GPRIN1: variants seen among roughly 807,000 people sequenced by gnomAD.
The protein encoded by GPRIN1 is G protein regulated inducer of neurite outgrowth 1.
In GPRIN1, 4 loss-of-function variants were observed where a neutral mutation model predicts 2.8. The ratio of observed to expected loss-of-function variants is 1.45; its 90% CI spans 0.71 to 3.32. GPRIN1 has a LOEUF of 3.32. Among genes scored for constraint, GPRIN1 ranks in the 30% most tolerant of loss-of-function variants. The pLI is 0.01. For missense variants in GPRIN1, 1,322 were observed against 1,343.4 expected (o/e 0.98, Z 0.25); for synonymous variants, 589 against 589.9 (o/e 1.00, Z 0.02).
chr5:176,599,553 G>T lies in GPRIN1; in HGVS notation c.282C>A (p.Pro94=), dbSNP rs1333798256. The T allele has an allele frequency of 6.3e-7, 1 of 1,588,086 alleles. No individual in the cohort carries two copies. The highest frequency in any genetic ancestry group is 2.2e-5 in the East Asian group (1 of 44,580). Reference sequence around the variant, plus strand: ...CCTGGGGAGAGAAGCAGGTTGGGGAGGGGCAGGCCAGGCTCCCTCTGGGGC... The same window carrying T: ...CCTGGGGAGAGAAGCAGGTTGGGGATGGGCAGGCCAGGCTCCCTCTGGGGC... The part of the protein sequence containing the change: ...SDGPRGSLAC[P]SPTCFSPQES... Residue 94 remains proline (P), a synonymous_variant, in exon 2 of 2, where the codon CCC becomes CCA. Coordinates refer to ENST00000303991, the MANE Select transcript of GPRIN1 (RefSeq NM_052899.3).
chr5:176,607,395 G>A (rs1406384514), intron 1 of GPRIN1, among the ~76,000 whole-genome samples: 2 of 152,212 alleles, frequency 1.3e-5, no homozygotes, highest in Non-Finnish European at 2.9e-5. Flanking sequence ...CTAGGCCGGA[G>A]TGCAGTGGCA....
rs1759101379 is a variant in GPRIN1 at position 176,598,986 on chromosome 5, A to G, written c.849T>C (p.Leu283=). The change falls in exon 2 of 2, where the codon CTT becomes CTC. Residue 283 remains leucine (L), a synonymous_variant. Coordinates refer to ENST00000303991, the MANE Select transcript of GPRIN1 (RefSeq NM_052899.3). ...VAPTSAEKVD[L]VLSGKRDPGP... is the part of the protein sequence containing the mutation. ...CAGGATCTCTCTTTCCCGACAATAC[A>G]AGATCTACCTTTTCTGCAGATGTAG... 1.2e-6 allele frequency: 2 copies of G among 1,614,000 alleles called. No homozygotes were observed. The highest frequency in any genetic ancestry group is 8.5e-7 in the Non-Finnish European group (1 of 1,179,990).
Position 176,598,900 on chromosome 5 carries a change from T to C in GPRIN1, c.935A>G (p.Lys312Arg), listed in dbSNP as rs781472441. 1.2e-6 allele frequency: 2 copies of C among 1,614,118 alleles called. No homozygotes were observed. The highest frequency in any genetic ancestry group is 1.7e-6 in the Non-Finnish European group (2 of 1,179,968). The change falls in exon 2 of 2, where the codon AAG becomes AGG. Residue 312 changes from lysine (K) to arginine (R), a missense_variant. By Grantham distance (26) the Lys-to-Arg change is conservative. Around this residue, in one of 3 missense-constraint regions of GPRIN1, gnomAD observed 1,117 missense variants for 1,128.6 expected, o/e 0.99. Coordinates refer to ENST00000303991, the MANE Select transcript of GPRIN1 (RefSeq NM_052899.3). ...CTTGCCCAGGAGCCCCGGCTCTGTC[T>C]TTCCTGTGGACGCAGAATCCATGCT... Reference protein sequence around the residue: ...LESMDSASTGKTEPGLLGKLI... With the variant: ...LESMDSASTGRTEPGLLGKLI...
chr5:176,600,181 C>T (rs1205497666), intron 1 of GPRIN1, among the ~76,000 whole-genome samples: 4 of 152,164 alleles, frequency 2.6e-5, no homozygotes, highest in Non-Finnish European at 5.9e-5. Flanking sequence ...AGTGCAATGG[C>T]GCGATCTCAG....
At chr5:176,606,034 G>T (rs1057376453) in intron 1 of GPRIN1, among the ~76,000 whole-genome samples, 1 of 152,082 alleles carries the variant, frequency 6.6e-6, no homozygotes, top group African/African-American at 2.4e-5. Flanking sequence ...CAGCCCTGGG[G>T]TCCTCACACA....
rs778742067 is a variant in GPRIN1 at position 176,596,898 on chromosome 5, G to C, written c.2937C>G (p.Ala979=). 5 of 1,253,876 alleles carry C rather than the reference G, an allele frequency of 4.0e-6. No homozygotes were observed. In the South Asian group the frequency reaches 1.3e-4, roughly 33 times the overall value. The allele number at this position is 1,253,876 out of a possible 1,614,324, so 77.7% of individuals were successfully genotyped here. The stretch of plus-strand genomic sequence containing the variant: ...GGAACAGGCCGGGCGGACGCTTGGC[G>C]GCGCCATCTGGGGGCGCGGTGCGCA... The part of the protein sequence containing the change: ...GSVRTAPPDG[A]AKRPPGLFRA... The change falls in exon 2 of 2, where the codon GCC becomes GCG. Residue 979 remains alanine (A), a synonymous_variant. Transcript: ENST00000303991. This position sits in a 1 kb window ranked among gnomAD's most constrained non-coding sequence, Gnocchi z 5.2.
rs1002993014 is a variant in GPRIN1 at position 176,599,472 on chromosome 5, T to G, written c.363A>C (p.Pro121=). 6 of 1,613,784 alleles carry G rather than the reference T, an allele frequency of 3.7e-6. No homozygotes were observed. The highest frequency in any genetic ancestry group is 5.1e-6 in the Non-Finnish European group (6 of 1,179,856). The change falls in exon 2 of 2, where the codon CCA becomes CCC. Residue 121 remains proline, a synonymous_variant. Coordinates refer to ENST00000303991, the MANE Select transcript of GPRIN1 (RefSeq NM_052899.3). ...CTGGCTTCCCAGACGTGGTGGCTTCTGGTGTCCCTGAGATGGAGGCTCCAT... is the reference window on the plus strand; with the variant it reads ...CTGGCTTCCCAGACGTGGTGGCTTCGGGTGTCCCTGAGATGGAGGCTCCAT... ...EAHGASISGT[P]EATTSGKPEP...
At chr5:176,599,899 C>A in intron 1 of GPRIN1, 22 bp from the exon 2 acceptor site, 1 of 1,324,748 alleles carries the variant, frequency 7.5e-7, no homozygotes, top group Non-Finnish European at 9.7e-7. Context: ...AGAGAGCTGA[C>A]TCAGACTTCC....
At chr5:176,604,319 A>G (rs1469366073) in intron 1 of GPRIN1, among the ~76,000 whole-genome samples, 1 of 152,184 alleles carries the variant, frequency 6.6e-6, no homozygotes, top group Non-Finnish European at 1.5e-5. Context: ...GCGGAAGAGG[A>G]GGCAGCAAAT....
chr5:176,597,197 C>A lies in GPRIN1; in HGVS notation c.2638G>T (p.Ala880Ser). 7.6e-7 allele frequency: 1 copy of A among 1,317,476 alleles called. No individual in the cohort carries two copies. The highest frequency in any genetic ancestry group is 2.2e-5 in the South Asian group (1 of 45,546). 81.6% of individuals were successfully genotyped at this position (1,317,476 alleles called of 1,614,324 possible). A position where few individuals can be genotyped will look rare whatever the true frequency, so the allele number is the denominator to read the frequency against. Reference protein sequence around the residue: ...SVATGPMTPQAAAPPAFPEVR... With the variant: ...SVATGPMTPQSAAPPAFPEVR... The stretch of plus-strand genomic sequence containing the variant: ...TCGGGGAAGGCGGGCGGCGCGGCGG[C>A]TTGAGGTGTCATGGGCCCAGTGGCC... The change falls in exon 2 of 2, where the codon GCC becomes TCC. Residue 880 changes from alanine (A) to serine (S), a missense_variant. This residue lies in a region of GPRIN1 where 1,117 missense variants were observed against 1,128.6 expected (regional missense o/e 0.99). Coordinates refer to ENST00000303991, the MANE Select transcript of GPRIN1 (RefSeq NM_052899.3). This position sits in a 1 kb window ranked among gnomAD's most constrained non-coding sequence, Gnocchi z 6.1.
intron 1 of GPRIN1, among the ~76,000 whole-genome samples, chr5:176,603,497 G>A (rs1052186943): frequency 2.6e-5 from 4 of 152,172 alleles, no homozygotes; most frequent in Non-Finnish European, 5.9e-5. Context: ...CCAGACCTCA[G>A]GTCTCTGGAT....
chr5:176,604,211 C>T (rs980508101), intron 1 of GPRIN1, among the ~76,000 whole-genome samples: 2 of 152,160 alleles, frequency 1.3e-5, no homozygotes, highest in Non-Finnish European at 2.9e-5. Flanking sequence ...AAGGAGTGGG[C>T]AGCTGGTTTA....
intron 1 of GPRIN1, among the ~76,000 whole-genome samples, chr5:176,608,651 T>A (rs1002498491): frequency 1.3e-5 from 2 of 152,198 alleles, no homozygotes; most frequent in Non-Finnish European, 2.9e-5. Context: ...CCTGTGGGTA[T>A]CTCACTCCTA....
In GPRIN1 at chr5:176,595,913, C is replaced by G; in HGVS notation, c.*895G>C. The G allele has an allele frequency of 2.5e-6, 1 of 398,078 alleles. No homozygotes were observed. Among genetic ancestry groups the G allele is most frequent in the East Asian group, 3.9e-5 (1 of 25,742 alleles). The allele number at this position is 398,078 out of a possible 1,614,324, so 24.7% of individuals were successfully genotyped here. A position where few individuals can be genotyped will look rare whatever the true frequency, so the allele number is the denominator to read the frequency against. ...GGTCACAAGGGACTTGGGCTCACAG[C>G]ACAGGGGGGACAAGGGGCTGGAGAG... On this transcript the variant is annotated 3_prime_UTR_variant, in exon 2 of 2. Coordinates refer to ENST00000303991, the MANE Select transcript of GPRIN1 (RefSeq NM_052899.3).
intron 1 of GPRIN1, among the ~76,000 whole-genome samples, chr5:176,608,897 G>A (rs574360932): frequency 1.4e-4 from 21 of 152,340 alleles, no homozygotes; most frequent in Admixed American, 1.1e-3. Flanking sequence ...ACTTCGTCAG[G>A]CATCTGAGTG....
chr5:176,605,531 G>A (rs1005911637), intron 1 of GPRIN1, among the ~76,000 whole-genome samples: 1 of 152,126 alleles, frequency 6.6e-6, no homozygotes, highest in Non-Finnish European at 1.5e-5. Flanking sequence ...GCCCTGGGGC[G>A]GAGTTCCGCG....
Position 176,598,938 on chromosome 5 carries a change from G to A in GPRIN1, c.897C>T (p.Pro299=), listed in dbSNP as rs760442933. The A allele has an allele frequency of 6.9e-5, 111 of 1,613,876 alleles. No individual in the cohort carries two copies. The highest frequency in any genetic ancestry group is 9.2e-5 in the Non-Finnish European group (108 of 1,179,922). ...CAGAATCCATGCTTTCCAAGGGCAT[G>A]GGATCTGCCTTTCCCGAGGGCCCAG... ...RDPGPSGKAD[P]MPLESMDSAS... is the part of the protein sequence containing the mutation. Residue 299 remains proline, a synonymous_variant, in exon 2 of 2, where the codon CCC becomes CCT. Coordinates refer to ENST00000303991, the MANE Select transcript of GPRIN1 (RefSeq NM_052899.3).
Position 176,602,203 on chromosome 5 carries a change from T to C in GPRIN1, c.-43-2326A>G, listed in dbSNP as rs1415340746. 6.6e-6 allele frequency among the ~76,000 whole-genome samples: 1 copy of C among 152,124 alleles called. No individual in the cohort carries two copies. The highest frequency in any genetic ancestry group is 1.5e-5 in the Non-Finnish European group (1 of 68,032). ...CTTCTTCTGCATGGAGAGATTTCTC[T>C]CCAAATATCTGCATGGTCGGCTCCC... On this transcript the variant is annotated intron_variant, in intron 1 of 1. Transcript: ENST00000303991. This position sits in a 1 kb window ranked among gnomAD's most constrained non-coding sequence, Gnocchi z 4.4.
At chr5:176,609,793 G>GCCCCC (rs1561889779) in intron 1 of GPRIN1, among the ~76,000 whole-genome samples, 1 of 25,594 alleles carries the variant, frequency 3.9e-5, no homozygotes, top group Non-Finnish European at 8.8e-5. Context: ...GCCCCGCCCC[G>GCCCCC]CCCCGCCCCG....
Sources: allele counts gnomAD v4.1 joint callset (sites outside exome capture counted in the v4.1 genomes callset), GRCh38; gene constraint gnomAD v4.1.1; regional missense constraint gnomAD v4.1.1; non-coding constraint Gnocchi (gnomAD v3.1); transcripts MANE v1.5; gene names NCBI Gene and HGNC (gene_info 2026-07-23, HGNC 2026-07-21).